The following MDM2 variants were observed in gnomAD, a reference collection of about 807,000 sequenced individuals.
MDM2 encodes E3 ubiquitin-protein ligase Mdm2.
MDM2 carries 11 observed loss-of-function variants against 64.3 expected under a neutral mutation model. The observed-to-expected ratio is 0.17, with a 90% CI of 0.11 to 0.28. The LOEUF is 0.28. MDM2 is among the 10% of genes least tolerant of loss of function. MDM2 has a pLI of 1.00. For missense variants in MDM2, 388 were observed against 577.1 expected (o/e 0.67, Z 3.36); for synonymous variants, 194 against 192.9 (o/e 1.01, Z -0.05).
In MDM2 at chr12:68,809,191, C is replaced by T. The variant is rs751590195; in HGVS notation, c.15-17C>T. 22 of 1,607,766 alleles carry T rather than the reference C, an allele frequency of 1.4e-5. No homozygotes were observed. The highest frequency in any genetic ancestry group is 1.6e-5 in the Non-Finnish European group (19 of 1,177,548). ...TCATGATTTCCAGTTTTCATCGTGT[C>T]TTTTTTTTCCTTGTAGGCAAATGTG... On this transcript the variant is annotated splice_polypyrimidine_tract_variant and intron_variant, in intron 1 of 10. Coordinates refer to ENST00000258149, the MANE Select transcript of MDM2 (RefSeq NM_002392.6).
At chr12:68,830,337 T>C (rs569630411) in intron 8 of MDM2, among the ~76,000 whole-genome samples, 3 of 152,218 alleles carry the variant, frequency 2.0e-5, no homozygotes, top group Non-Finnish European at 4.4e-5. Flanking sequence ...TCCAAAGCAG[T>C]GATTGTATGA....
chr12:68,836,246 A>AAAAGTGAACATAT (rs1883301314), intron 9 of MDM2, among the ~76,000 whole-genome samples: 1 of 152,158 alleles, frequency 6.6e-6, no homozygotes, highest in Non-Finnish European at 1.5e-5. Flanking sequence ...GTTCACTTTT[A>AAAAGTGAACATAT]AAAACATATA....
intron 5 of MDM2, among the ~76,000 whole-genome samples, chr12:68,821,493 C>A (rs191192954): frequency 1.3e-5 from 2 of 152,238 alleles, no homozygotes; most frequent in Admixed American, 6.5e-5. Context: ...GAGGCTAAGG[C>A]AGGAGGATCA....
At chr12:68,826,626 G>T (rs1380225722) in intron 7 of MDM2, among the ~76,000 whole-genome samples, 1 of 141,416 alleles carries the variant, frequency 7.1e-6, no homozygotes, top group Non-Finnish European at 1.5e-5. Context: ...TCCAGCCTGG[G>T]GTACAGAGTG....
chr12:68,828,610 CAGAT>C (rs1398997329), intron 7 of MDM2, 157 bp from the exon 8 acceptor site: 3 of 593,658 alleles, frequency 5.1e-6, no homozygotes, highest in African/African-American at 1.9e-5. Flanking sequence ...TAAATACACA[CAGAT>C]AGTGTTCTGC....
intron 4 of MDM2, among the ~76,000 whole-genome samples, chr12:68,818,548 ATATAT>A (rs1239811975): frequency 2.1e-5 from 3 of 146,252 alleles, no homozygotes; most frequent in East Asian, 1.9e-4. Context: ...TTTGTATATT[ATATAT>A]TATAATATAC....
chr12:68,820,285 A>G lies in MDM2; in HGVS notation c.309-40A>G, dbSNP rs923143580. 4.9e-6 allele frequency: 7 copies of G among 1,427,288 alleles called. No homozygotes were observed. In the East Asian group the frequency reaches 6.8e-5, roughly 14 times the overall value. The allele number at this position is 1,427,288 out of a possible 1,614,324, so 88.4% of individuals were successfully genotyped here. ...GCTTAATACAAATTTTTATTCTAAA[A>G]TGTACATCTCTTGTTATTTTTTTTT... On this transcript the variant is annotated intron_variant, in intron 4 of 10. Transcript: ENST00000258149.
intron 8 of MDM2, among the ~76,000 whole-genome samples, chr12:68,834,239 C>T (rs1327450398): frequency 1.3e-5 from 2 of 151,972 alleles, no homozygotes; most frequent in Non-Finnish European, 2.9e-5. Flanking sequence ...GTCAGGATTT[C>T]GAGACCAGCC....
intron 5 of MDM2, among the ~76,000 whole-genome samples, chr12:68,822,760 A>G (rs1881970531): frequency 7.8e-6 from 1 of 127,406 alleles, no homozygotes; most frequent in African/African-American, 4.8e-5. Context: ...TTTTTTTTTG[A>G]GATGGAGTCT....
intron 10 of MDM2, 21 bp downstream of exon 10, chr12:68,836,770 T>G: frequency 6.6e-7 from 1 of 1,522,868 alleles, no homozygotes; most frequent in Non-Finnish European, 9.1e-7. Context: ...ATCTACTTTT[T>G]TAAGAAATAA....
intron 7 of MDM2, among the ~76,000 whole-genome samples, chr12:68,825,753 C>CG (rs1385572558): frequency 6.6e-6 from 1 of 152,202 alleles, no homozygotes; most frequent in Non-Finnish European, 1.5e-5. Flanking sequence ...GTCGCAGTAA[C>CG]TAAGACCGTA....
At chr12:68,849,153 G>A (rs11177391), downstream of MDM2, 780 of 150,252 alleles carry the variant, frequency 5.2e-3, 23 homozygotes, top group Admixed American at 0.037. Context: ...GAAGTGGCGC[G>A]ATCTCGGCTC....
Position 68,808,249 on chromosome 12 carries a change from G to C in MDM2, c.-229G>C, listed in dbSNP as rs988317925. 3.7e-5 allele frequency: 22 copies of C among 591,606 alleles called. No individual in the cohort carries two copies. The highest frequency in any genetic ancestry group is 6.6e-5 in the Non-Finnish European group (22 of 334,372). The allele number at this position is 591,606 out of a possible 1,614,324, so 36.6% of individuals were successfully genotyped here. ...GTGTGGCCCTGTGTGTCGGAAAGAT[G>C]GAGCAAGAAGCCGAGCCCGAGGGGC... On this transcript the variant is annotated 5_prime_UTR_variant, in exon 1 of 11. It removes an upstream start codon present in the reference 5' UTR. Transcript: ENST00000258149.
At chr12:68,848,008 G>T (rs918013451), downstream of MDM2, 1 of 152,194 alleles carries the variant, frequency 6.6e-6, no homozygotes, top group African/African-American at 2.4e-5. Flanking sequence ...CCAAAAAATT[G>T]TGGTGGCATG....
chr12:68,826,835 A>G (rs1349962968), intron 7 of MDM2, among the ~76,000 whole-genome samples: 3 of 152,108 alleles, frequency 2.0e-5, no homozygotes. Flanking sequence ...AATAGGGAAC[A>G]CAAACATGAT....
At chr12:68,818,558 A>G (rs1881583052) in intron 4 of MDM2, among the ~76,000 whole-genome samples, 1 of 148,112 alleles carries the variant, frequency 6.8e-6, no homozygotes, top group African/African-American at 2.5e-5. Context: ...ATATATTATA[A>G]TATACATATA....
downstream of MDM2, chr12:68,846,313 C>T (rs1039337322): frequency 1.3e-5 from 2 of 152,212 alleles, no homozygotes; most frequent in African/African-American, 2.4e-5. Flanking sequence ...TCTCAAACTC[C>T]TGGGGTCAAG....
rs1294351700 is a variant in MDM2, at chr12:68,824,580, A to G, written c.452A>G (p.Glu151Gly). Reference sequence around the variant, plus strand: ...GACCTTGTACAAGAGCTTCAGGAAGAGAAACCTTCATCTTCACATTTGGTT... The same window carrying G: ...GACCTTGTACAAGAGCTTCAGGAAGGGAAACCTTCATCTTCACATTTGGTT... ...QKDLVQELQE[E>G]KPSSSHLVSR... Residue 151 changes from glutamate (E) to glycine (G), a missense_variant, in exon 7 of 11, where the codon GAG becomes GGG. Glu to Gly is a moderately conservative substitution (Grantham distance 98). Coordinates refer to ENST00000258149, the MANE Select transcript of MDM2 (RefSeq NM_002392.6). 2 of 1,613,608 alleles carry G rather than the reference A, an allele frequency of 1.2e-6. No individual in the cohort carries two copies. Among genetic ancestry groups the G allele is most frequent in the South Asian group, 2.2e-5 (2 of 90,924 alleles).
In MDM2 at chr12:68,819,724, C is replaced by T. The variant is rs921746048; in HGVS notation, c.309-601C>T. 4.6e-5 allele frequency among the ~76,000 whole-genome samples: 7 copies of T among 152,336 alleles called. No individual in the cohort carries two copies. In the East Asian group the frequency reaches 9.6e-4, roughly 21 times the overall value. Reference sequence around the variant, plus strand: ...CAGGCTGGTCTTGAGCTCCAGGCCTCGGGTGATCTGCCGGACTCGGCCTTC... The same window carrying T: ...CAGGCTGGTCTTGAGCTCCAGGCCTTGGGTGATCTGCCGGACTCGGCCTTC... On this transcript the variant is annotated intron_variant, in intron 4 of 10. Transcript: ENST00000258149.
Sources: allele counts gnomAD v4.1 joint callset (sites outside exome capture counted in the v4.1 genomes callset), GRCh38; gene constraint gnomAD v4.1.1; transcripts MANE v1.5; gene names NCBI Gene and HGNC (gene_info 2026-07-23, HGNC 2026-07-21).